The following EBPL variants were observed in gnomAD, a reference collection of about 807,000 sequenced individuals.
The protein encoded by EBPL is EBP like.
A neutral mutation model predicts 19.0 loss-of-function variants in EBPL; 20 were observed. The observed-to-expected ratio is 1.05, with a 90% CI of 0.74 to 1.53. The LOEUF is 1.53. Among genes scored for constraint, EBPL ranks in the 40% most tolerant of loss-of-function variants. The probability of loss-of-function intolerance (pLI) is 0.00; values close to 1 mark genes in which losing one functional copy is unlikely to be tolerated. For missense variants in EBPL, 219 were observed against 261.1 expected, an observed-to-expected ratio of 0.84 and a Z score of 1.11; for synonymous variants, 107 against 117.0, an observed-to-expected ratio of 0.91 and a Z score of 0.55.
intron 1 of EBPL, among the ~76,000 whole-genome samples, chr13:49,679,466 G>A (rs191573757): frequency 4.6e-5 from 7 of 152,310 alleles, no homozygotes; most frequent in Admixed American, 4.6e-4. Flanking sequence ...CTAGGTGTCA[G>A]GCGTGATATG....
chr13:49,662,022 C>G (rs1024015485), intron 3 of EBPL: 1 of 1,150,054 alleles, frequency 8.7e-7, no homozygotes. Flanking sequence ...GAGACAGAGT[C>G]TCGCTCTGTC....
intron 1 of EBPL, among the ~76,000 whole-genome samples, chr13:49,675,718 T>A (rs1431393480): frequency 6.6e-6 from 1 of 152,154 alleles, no homozygotes; most frequent in African/African-American, 2.4e-5. Flanking sequence ...TATGTAGAAG[T>A]GGAATTGCTG....
intron 1 of EBPL, among the ~76,000 whole-genome samples, chr13:49,670,924 T>C (rs1042727369): frequency 6.6e-6 from 1 of 152,238 alleles, no homozygotes; most frequent in South Asian, 2.1e-4. Flanking sequence ...TTGTTGAGAC[T>C]GATTACATGT....
chr13:49,678,329 G>A (rs1037328371), intron 1 of EBPL, among the ~76,000 whole-genome samples: 7 of 152,224 alleles, frequency 4.6e-5, no homozygotes, highest in African/African-American at 1.4e-4. Context: ...TGCGCCGCGC[G>A]CCGGCACTCC....
intron 1 of EBPL, chr13:49,686,562 C>A (rs1047470436): frequency 3.1e-6 from 4 of 1,289,614 alleles, no homozygotes; most frequent in Non-Finnish European, 4.0e-6. Context: ...AGGACCCCAG[C>A]ACTCTCCTGG....
intron 1 of EBPL, among the ~76,000 whole-genome samples, chr13:49,690,018 C>T (rs1348357470): frequency 6.6e-6 from 1 of 151,860 alleles, no homozygotes; most frequent in Non-Finnish European, 1.5e-5. Flanking sequence ...GGCGTGGTGA[C>T]GGGCGCCCGT....
intron 1 of EBPL, among the ~76,000 whole-genome samples, chr13:49,684,747 T>C (rs970865848): frequency 5.3e-5 from 8 of 152,136 alleles, no homozygotes; most frequent in Non-Finnish European, 1.2e-4. Flanking sequence ...TGTTTTGAAA[T>C]AAACTTTAAG....
chr13:49,678,554 T>A (rs894637844), intron 1 of EBPL, among the ~76,000 whole-genome samples: 1 of 151,522 alleles, frequency 6.6e-6, no homozygotes, highest in Non-Finnish European at 1.5e-5. Flanking sequence ...CTGGCCCGGG[T>A]GCTAAGCCCC....
intron 2 of EBPL, among the ~76,000 whole-genome samples, chr13:49,666,711 C>CAAAGAA (rs1965233321): frequency 1.2e-5 from 1 of 81,016 alleles, no homozygotes; most frequent in Non-Finnish European, 2.2e-5. Flanking sequence ...GACTCCGTCT[C>CAAAGAA]AAAAAAAAAA....
Position 49,691,450 on chromosome 13 carries a change from C to T in EBPL, c.-26G>A. On this transcript the variant is annotated 5_prime_UTR_variant, in exon 1 of 4. Coordinates refer to ENST00000242827, the MANE Select transcript of EBPL (RefSeq NM_032565.5). ...GCTTCAGGCTTCCGACGCCAACGGC[C>T]CAGGACCATGCGGCAGAGGAAAGCA... is the stretch of plus-strand genomic sequence containing the variant. 1.5e-6 allele frequency: 2 copies of T among 1,311,932 alleles called. No individual in the cohort carries two copies. The highest frequency in any genetic ancestry group is 1.9e-6 in the Non-Finnish European group (2 of 1,029,744). The allele number at this position is 1,311,932 out of a possible 1,614,324, so 81.3% of individuals were successfully genotyped here. A position where few individuals can be genotyped will look rare whatever the true frequency, so the allele number is the denominator to read the frequency against.
intron 2 of EBPL, 53 bp downstream of exon 2, chr13:49,669,724 C>T (rs980730932): frequency 1.3e-6 from 2 of 1,507,806 alleles, no homozygotes; most frequent in African/African-American, 1.4e-5. Context: ...GACAGTCACA[C>T]TTGCAATAAA....
rs191079665 is a variant in EBPL at position 49,669,439 on chromosome 13, T to G, written c.241+338A>C. Reference sequence around the variant, plus strand: ...CTCAAATATTGTTTAATATAATAGCTTTATTAAGATGTAATTCACATGCCA... The same window carrying G: ...CTCAAATATTGTTTAATATAATAGCGTTATTAAGATGTAATTCACATGCCA... On this transcript the variant is annotated intron_variant, in intron 2 of 3. Transcript: ENST00000242827. Among the ~76,000 whole-genome samples the G allele has an allele frequency of 2.1e-4, 32 of 152,312 alleles. 1 individual carries two copies. In the East Asian group the frequency reaches 5.8e-3, roughly 28 times the overall value.
intron 2 of EBPL, 152 bp downstream of exon 2, chr13:49,669,625 G>A (rs976379123): frequency 7.3e-5 from 39 of 535,084 alleles, no homozygotes; most frequent in Non-Finnish European, 1.0e-4. Context: ...TCATTCCCAC[G>A]CAACCAGTAA....
intron 1 of EBPL, among the ~76,000 whole-genome samples, chr13:49,678,432 C>T (rs557731121): frequency 6.6e-6 from 1 of 152,362 alleles, no homozygotes; most frequent in African/African-American, 2.4e-5. Context: ...GCATGGCGGG[C>T]TGCAAGTTCC....
chr13:49,669,747 T>G lies in EBPL; in HGVS notation c.241+30A>C, dbSNP rs377076298. 28 of 1,604,752 alleles carry G rather than the reference T, an allele frequency of 1.7e-5. No homozygotes were observed. The Middle Eastern group carries it at 5.0e-4, about 28-fold the overall frequency. On this transcript the variant is annotated intron_variant, in intron 2 of 3. Coordinates refer to ENST00000242827, the MANE Select transcript of EBPL (RefSeq NM_032565.5). ...CACTTGCAATAAACCTCCTCCAACA[T>G]TTCAAACGCAAACGTTTTTAATTAC...
chr13:49,665,346 G>A (rs1403848551), intron 2 of EBPL, among the ~76,000 whole-genome samples: 1 of 151,936 alleles, frequency 6.6e-6, no homozygotes, highest in Non-Finnish European at 1.5e-5. Flanking sequence ...ATCTTGGCTC[G>A]CTGCAACCTC....
intron 1 of EBPL, among the ~76,000 whole-genome samples, chr13:49,685,324 A>G (rs1953984833): frequency 6.6e-6 from 1 of 152,222 alleles, no homozygotes; most frequent in African/African-American, 2.4e-5. Context: ...TAAAGCTGGC[A>G]TCTCAAATAA....
At chr13:49,686,965 T>C (rs1477688591) in intron 1 of EBPL, among the ~76,000 whole-genome samples, 1 of 152,038 alleles carries the variant, frequency 6.6e-6, no homozygotes, top group African/African-American at 2.4e-5. Context: ...CCAGCTAATT[T>C]TTCGTAGAGA....
chr13:49,661,631 G>T, intron 3 of EBPL: 1 of 630,068 alleles, frequency 1.6e-6, no homozygotes, highest in Non-Finnish European at 2.0e-6. Flanking sequence ...AGGGCCAAGC[G>T]ATGGGCAAGT....
Sources: gnomAD v4.1 joint callset for allele counts (sites outside exome capture counted in the v4.1 genomes callset) on GRCh38, gnomAD v4.1.1 for gene constraint, MANE v1.5 for transcripts, NCBI Gene and HGNC (gene_info 2026-07-23, HGNC 2026-07-21) for gene names.